Variants in FYB1 observed in about 807,000 individuals in gnomAD.
FYB1 encodes FYN binding protein 1.
FYB1 carries 41 observed loss-of-function variants against 94.1 expected under a neutral mutation model. The ratio of observed to expected loss-of-function variants is 0.44; its 90% CI spans 0.34 to 0.57. The LOEUF (loss-of-function observed/expected upper bound fraction) is 0.57, where lower values mean the gene tolerates loss of function less well. Among genes scored for constraint, FYB1 ranks in the 20% least tolerant of loss-of-function variants. FYB1 has a pLI of 0.02. For missense variants in FYB1, 1,050 were observed against 976.8 expected, an observed-to-expected ratio of 1.07 and a Z score of -1.00; for synonymous variants, 367 against 353.2, an observed-to-expected ratio of 1.04 and a Z score of -0.44.
chr5:39,196,666 A>G (rs1747865274), intron 2 of FYB1, among the ~76,000 whole-genome samples: 1 of 152,266 alleles, frequency 6.6e-6, no homozygotes, highest in African/African-American at 2.4e-5. Context: ...ACCAAAGGCC[A>G]CAGAAAGGGA....
chr5:39,163,282 T>C (rs1744436084), intron 2 of FYB1, among the ~76,000 whole-genome samples: 1 of 152,198 alleles, frequency 6.6e-6, no homozygotes, highest in Non-Finnish European at 1.5e-5. Context: ...TAGTATGAAA[T>C]CTTTTGCTTT....
intron 2 of FYB1, chr5:39,169,180 A>G: frequency 1.3e-6 from 1 of 796,744 alleles, no homozygotes; most frequent in African/African-American, 1.7e-5. Context: ...GAAAAAGACA[A>G]CTAATCATTG....
chr5:39,145,505 T>C (rs1742566342), intron 3 of FYB1, among the ~76,000 whole-genome samples: 2 of 152,108 alleles, frequency 1.3e-5, no homozygotes, highest in Non-Finnish European at 2.9e-5. Context: ...TAATTCTAAT[T>C]TAAATACAAA....
chr5:39,243,273 G>C (rs1346946946), intron 1 of FYB1, among the ~76,000 whole-genome samples: 1 of 151,936 alleles, frequency 6.6e-6, no homozygotes, highest in Non-Finnish European at 1.5e-5. Context: ...TATGGTTTTA[G>C]GTCTAACATT....
intron 3 of FYB1, among the ~76,000 whole-genome samples, chr5:39,143,887 T>C (rs1742408585): frequency 6.6e-6 from 1 of 152,202 alleles, no homozygotes; most frequent in African/African-American, 2.4e-5. Flanking sequence ...CTTAGCTTTC[T>C]ATTTGGGTAA....
intron 13 of FYB1, among the ~76,000 whole-genome samples, chr5:39,123,090 G>C (rs184327557): frequency 1.5e-3 from 229 of 152,200 alleles, no homozygotes; most frequent in South Asian, 1.0e-3. Context: ...CAGGAATAAT[G>C]CTTCCTCCCT....
Position 39,107,390 on chromosome 5 carries a change from C to A in FYB1, c.*53G>T. The A allele has an allele frequency of 2.2e-6, 3 of 1,351,292 alleles. No homozygotes were observed. The highest frequency in any genetic ancestry group is 1.5e-5 in the African/African-American group (1 of 67,420). The allele number at this position is 1,351,292 out of a possible 1,614,324, so 83.7% of individuals were successfully genotyped here. On this transcript the variant is annotated 3_prime_UTR_variant, in exon 19 of 19. Transcript: ENST00000512982. The stretch of plus-strand genomic sequence containing the variant: ...TACCCAATAACATGCCAATTAAAAT[C>A]CAGACTTCACATTGGCACCTAATGA...
Position 39,117,063 on chromosome 5 carries a change from T to C in FYB1, c.2401+1811A>G, listed in dbSNP as rs921808046. Among the ~76,000 whole-genome samples the C allele has an allele frequency of 2.6e-5, 4 of 152,226 alleles. No individual in the cohort carries two copies. The East Asian group carries it at 7.7e-4, about 29-fold the overall frequency. ...GGAGAGAGGTCTGTATGACAACTACTAGGACAATTCTCTCTTGTAAAAAAT... is the reference window on the plus strand; with the variant it reads ...GGAGAGAGGTCTGTATGACAACTACCAGGACAATTCTCTCTTGTAAAAAAT... On this transcript the variant is annotated intron_variant, in intron 16 of 18. Coordinates refer to ENST00000512982, the MANE Select transcript of FYB1 (RefSeq NM_001465.6).
rs35705450 is a variant in FYB1, at chr5:39,202,307, A to G, written c.654T>C (p.Asn218=). The G allele has an allele frequency of 4.0e-4, 645 of 1,613,318 alleles. 3 individuals carry two copies. The African/African-American group carries it at 7.2e-3, about 18-fold the overall frequency. Residue 218 remains asparagine (N), a synonymous_variant, in exon 2 of 19, where the codon AAT becomes AAC. Coordinates refer to ENST00000512982, the MANE Select transcript of FYB1 (RefSeq NM_001465.6). ...CTGGGGACCCTTTTGATGAAGACAC[A>G]TTCTTCATGGGGCTTTCGTCTTCAT... ...NSHEDESPMK[N]VSSSKGSPAP...
intron 2 of FYB1, among the ~76,000 whole-genome samples, chr5:39,181,409 TGTGGTTA>T (rs1746216118): frequency 6.6e-6 from 1 of 152,158 alleles, no homozygotes; most frequent in African/African-American, 2.4e-5. Flanking sequence ...AAACATCCAC[TGTGGTTA>T]GTGGATACTA....
chr5:39,263,655 C>A (rs759012656), intron 1 of FYB1, among the ~76,000 whole-genome samples: 14 of 152,234 alleles, frequency 9.2e-5, no homozygotes, highest in Admixed American at 1.3e-4. Flanking sequence ...CAGTTCTCAA[C>A]TGGGGCTTCC....
intron 1 of FYB1, chr5:39,270,578 T>A (rs1393202773): frequency 2.0e-6 from 3 of 1,535,038 alleles, no homozygotes; most frequent in Non-Finnish European, 1.7e-6. Flanking sequence ...CCATTTTTAT[T>A]GAAAAGAGTT....
At position 39,267,997 on chromosome 5, in the gene FYB1, A is replaced by G. The variant is rs1400572583; in HGVS notation, c.-28+6406T>C. Reference sequence around the variant, plus strand: ...ACAAATTGTGGGCTACTACACAATTATTAAAAATGATTTATCATTAAAAAC... The same window carrying G: ...ACAAATTGTGGGCTACTACACAATTGTTAAAAATGATTTATCATTAAAAAC... On this transcript the variant is annotated intron_variant, in intron 1 of 1. Coordinates refer to the FYB1 transcript ENST00000510188. 2.0e-5 allele frequency among the ~76,000 whole-genome samples: 3 copies of G among 152,342 alleles called. No homozygotes were observed. In the East Asian group the frequency reaches 5.8e-4, roughly 29 times the overall value.
At chr5:39,170,207 C>A in intron 2 of FYB1, 1 of 834,116 alleles carries the variant, frequency 1.2e-6, no homozygotes, top group South Asian at 1.4e-5. Flanking sequence ...TCAGTATAGT[C>A]AGTATTTTTG....
chr5:39,226,739 C>A (rs1251186800), intron 1 of FYB1, among the ~76,000 whole-genome samples: 2 of 152,058 alleles, frequency 1.3e-5, no homozygotes, highest in Non-Finnish European at 2.9e-5. Flanking sequence ...ATAAAAATAA[C>A]CAGAGGAGAT....
chr5:39,199,950 C>A (rs909346060), intron 2 of FYB1, among the ~76,000 whole-genome samples: 10 of 152,112 alleles, frequency 6.6e-5, no homozygotes, highest in Non-Finnish European at 5.9e-5. Flanking sequence ...ATCCAGATAT[C>A]AAATGAGGTC....
In FYB1 at chr5:39,244,021, TC is replaced by T. The variant is rs569261542; in HGVS notation, c.-28+30381del. 2.9e-4 allele frequency among the ~76,000 whole-genome samples: 44 copies of T among 152,334 alleles called. No homozygotes were observed. In the East Asian group the frequency reaches 7.1e-3, roughly 25 times the overall value. On this transcript the variant is annotated intron_variant, in intron 1 of 1. Transcript: ENST00000510188. ...CCTGAGACTTTGCTGAAGTTGCTTA[TC>T]AGCTTAAGGAGATTTTGGGCTGAGA...
At chr5:39,228,204 A>C (rs556624426) in intron 1 of FYB1, among the ~76,000 whole-genome samples, 2 of 152,314 alleles carry the variant, frequency 1.3e-5, no homozygotes, top group South Asian at 4.1e-4. Flanking sequence ...AGTAACCTCA[A>C]ATGAAACACA....
At chr5:39,217,305 G>T (rs1199591458) in intron 1 of FYB1, among the ~76,000 whole-genome samples, 1 of 152,154 alleles carries the variant, frequency 6.6e-6, no homozygotes, top group Non-Finnish European at 1.5e-5. Flanking sequence ...AAACATTAGC[G>T]AACCAAGGTC....
Sources: allele counts gnomAD v4.1 joint callset (sites outside exome capture counted in the v4.1 genomes callset), GRCh38; gene constraint gnomAD v4.1.1; transcripts MANE v1.5; gene names NCBI Gene and HGNC (gene_info 2026-07-23, HGNC 2026-07-21).